Variants in FN1 observed in about 807,000 individuals in gnomAD.
The protein encoded by FN1 is fibronectin.
In FN1, 106 loss-of-function variants were observed where a neutral mutation model predicts 297.3. The observed-to-expected ratio is 0.36, with a 90% CI of 0.30 to 0.42. FN1 has a LOEUF of 0.42. FN1 is among the 10% of genes least tolerant of loss of function. The pLI, the probability that FN1 is intolerant of heterozygous loss-of-function variation, is 1.00. For missense variants in FN1, 2,690 were observed against 3,124.9 expected (o/e 0.86, Z 3.32); for synonymous variants, 1,149 against 1,152.6 (o/e 1.00, Z 0.06).
In FN1 at chr2:215,407,971, C is replaced by G. The variant is rs1362960794; in HGVS notation, c.2518+137G>C. 4.3e-6 allele frequency: 3 copies of G among 704,300 alleles called. No individual in the cohort carries two copies. The East Asian group carries it at 8.4e-5, about 20-fold the overall frequency. The allele number at this position is 704,300 out of a possible 1,614,324, so 43.6% of individuals were successfully genotyped here. On this transcript the variant is annotated intron_variant, in intron 17 of 45. Transcript: ENST00000354785. ...CACCCCCGCCACACACACACACACA[C>G]ACACACACAAACCCCTCTCCCATAA...
intron 13 of FN1, among the ~76,000 whole-genome samples, chr2:215,411,048 G>A (rs13020766): frequency 0.36 from 54,017 of 152,056 alleles, 10,142 homozygotes; most frequent in South Asian, 0.49. Context: ...CAGGTTCAAC[G>A]AGTCTGGTTT....
intron 42 of FN1, among the ~76,000 whole-genome samples, chr2:215,366,025 G>GT (rs2054545434): frequency 6.8e-6 from 1 of 146,254 alleles, no homozygotes; most frequent in Admixed American, 6.9e-5. Context: ...ACCATGTTGG[G>GT]TAGGCTGGTC....
chr2:215,393,265 A>C, intron 24 of FN1, 62 bp from the exon 25 acceptor site: 1 of 1,558,712 alleles, frequency 6.4e-7, no homozygotes, highest in African/African-American at 1.4e-5. Flanking sequence ...AAAAAAGAGG[A>C]AAAAATAAAG....
At position 215,372,482 on chromosome 2, in the gene FN1, T is replaced by G. The variant is rs1426735889; in HGVS notation, c.6248-107A>C. 7.1e-6 allele frequency: 6 copies of G among 841,092 alleles called. No homozygotes were observed. In the Admixed American group the frequency reaches 1.1e-4, roughly 16 times the overall value. 52.1% of individuals were successfully genotyped at this position (841,092 alleles called of 1,614,324 possible). A position where few individuals can be genotyped will look rare whatever the true frequency, so the allele number is the denominator to read the frequency against. Reference sequence around the variant, plus strand: ...CAACAATGACTGTTCATCAATTTGATAAAAGCCACCAGAAAATGAGCAGTT... The same window carrying G: ...CAACAATGACTGTTCATCAATTTGAGAAAAGCCACCAGAAAATGAGCAGTT... On this transcript the variant is annotated intron_variant, in intron 39 of 45. Transcript: ENST00000354785.
Position 215,430,195 on chromosome 2 carries a change from C to T in FN1, c.685+520G>A, listed in dbSNP as rs186358173. Among the ~76,000 whole-genome samples, 695 of 152,260 alleles carry T rather than the reference C, an allele frequency of 4.6e-3. 3 individuals are homozygous for T. Among genetic ancestry groups the T allele is most frequent in the Non-Finnish European group, 7.4e-3 (503 of 68,022 alleles). On this transcript the variant is annotated intron_variant, in intron 5 of 45. Coordinates refer to ENST00000354785, the MANE Select transcript of FN1 (RefSeq NM_212482.4). ...TGGCTGTTTTACTTCAACAAACTCT[C>T]TAGCTGTTATTAGTTTACAATATCA...
intron 15 of FN1, 60 bp downstream of exon 15, chr2:215,409,503 C>A (rs533344662): frequency 6.4e-6 from 10 of 1,556,046 alleles, no homozygotes; most frequent in Admixed American, 1.7e-5. Context: ...CACCCACCCC[C>A]ACAAGGAGAG....
At chr2:215,377,751 A>G (rs1011562379) in intron 35 of FN1, among the ~76,000 whole-genome samples, 3 of 152,230 alleles carry the variant, frequency 2.0e-5, no homozygotes, top group Admixed American at 6.5e-5. Flanking sequence ...GCTTAGCTCT[A>G]TGAAAACAAA....
At chr2:215,426,671 T>A (rs943251776) in intron 6 of FN1, among the ~76,000 whole-genome samples, 1 of 152,158 alleles carries the variant, frequency 6.6e-6, no homozygotes, top group Non-Finnish European at 1.5e-5. Context: ...GAGAGTATGA[T>A]GTAAAGGAAC....
At chr2:215,407,371 G>C (rs775737245) in intron 17 of FN1, 50 bp from the exon 18 acceptor site, 1 of 1,470,990 alleles carries the variant, frequency 6.8e-7, no homozygotes, top group South Asian at 1.1e-5. Context: ...TTGAGACAGA[G>C]GCTTAGAAAC....
intron 11 of FN1, among the ~76,000 whole-genome samples, chr2:215,420,029 T>G (rs2064004597): frequency 6.6e-6 from 1 of 152,166 alleles, no homozygotes; most frequent in African/African-American, 2.4e-5. Flanking sequence ...CTTCACTATT[T>G]GCTTAGTTCT....
At chr2:215,374,582 T>C (rs1003077990) in intron 38 of FN1, among the ~76,000 whole-genome samples, 2 of 152,214 alleles carry the variant, frequency 1.3e-5, no homozygotes, top group Non-Finnish European at 1.5e-5. Flanking sequence ...TGATTGTACA[T>C]TTTCTGAGGC....
rs1416779811 is a variant in FN1, at chr2:215,369,215, T to A, written c.6853+1079A>T. Among the ~76,000 whole-genome samples the A allele has an allele frequency of 1.1e-4, 15 of 138,020 alleles. 1 individual carries two copies. The highest frequency in any genetic ancestry group is 2.2e-4 in the East Asian group (1 of 4,644). The allele number at this position is 138,020 out of a possible 152,430, so 90.5% of individuals were successfully genotyped here. On this transcript the variant is annotated intron_variant, in intron 41 of 45. Coordinates refer to ENST00000354785, the MANE Select transcript of FN1 (RefSeq NM_212482.4). ...ACTAAAGTTAAAGAGATGGAATCTT[T>A]AAAAAAAAAAAAAAAAAATGACTTA...
At position 215,392,963 on chromosome 2, in the gene FN1, TCGC is replaced by T; in HGVS notation, c.4034_4036del (p.Gly1345del). On this transcript the variant is annotated inframe_deletion, in exon 25 of 46. Transcript: ENST00000354785. ...TTGTGTCAGTGTAGTAGGGGCACTC[TCGC>T]CGCCATTAATGAGAGTGATAACGCT... 1 of 1,613,056 alleles carries T rather than the reference TCGC, an allele frequency of 6.2e-7. No individual in the cohort carries two copies. The highest frequency in any genetic ancestry group is 8.5e-7 in the Non-Finnish European group (1 of 1,180,006).
intron 20 of FN1, among the ~76,000 whole-genome samples, chr2:215,400,240 G>T (rs2060838619): frequency 6.6e-6 from 1 of 151,808 alleles, no homozygotes; most frequent in South Asian, 2.1e-4. Context: ...ATAATGGTCA[G>T]CTATTTTTGG....
At chr2:215,414,364 T>C (rs1018789190) in intron 13 of FN1, among the ~76,000 whole-genome samples, 2 of 152,076 alleles carry the variant, frequency 1.3e-5, no homozygotes, top group African/African-American at 4.8e-5. Flanking sequence ...ATAAATTCAG[T>C]GGGTCAAAAG....
At chr2:215,418,921 A>T (rs2106384910) in intron 12 of FN1, among the ~76,000 whole-genome samples, 1 of 152,274 alleles carries the variant, frequency 6.6e-6, no homozygotes, top group South Asian at 2.1e-4. Flanking sequence ...TCCCAGCATA[A>T]CTCACTTGGT....
intron 15 of FN1, among the ~76,000 whole-genome samples, chr2:215,409,128 A>G (rs1468196166): frequency 6.6e-6 from 1 of 152,128 alleles, no homozygotes; most frequent in Non-Finnish European, 1.5e-5. Context: ...TTCACTTTAT[A>G]AGAATTCAAA....
chr2:215,407,957 CACACACACA>C, intron 17 of FN1, 142 bp downstream of exon 17: 1 of 45,598 alleles, frequency 2.2e-5, no homozygotes, highest in East Asian at 9.5e-4. Flanking sequence ...ACCCCCGCCA[CACACACACA>C]CACACACACA....
chr2:215,404,312 TG>T, intron 20 of FN1, 76 bp downstream of exon 20: 4 of 1,333,910 alleles, frequency 3.0e-6, no homozygotes, highest in South Asian at 2.5e-5. Context: ...TTTTTTGTTT[TG>T]TTTTGTTTTG....
Sources: gnomAD v4.1 joint callset for allele counts (sites outside exome capture counted in the v4.1 genomes callset) on GRCh38, gnomAD v4.1.1 for gene constraint, MANE v1.5 for transcripts, NCBI Gene and HGNC (gene_info 2026-07-23, HGNC 2026-07-21) for gene names.